FHIT: variants seen among roughly 807,000 people sequenced by gnomAD.
The protein encoded by FHIT is bis(5'-adenosyl)-triphosphatase.
In FHIT, 19 loss-of-function variants were observed where a neutral mutation model predicts 17.9. That is an observed-to-expected ratio of 1.06 (90% CI 0.74 to 1.56). The LOEUF (loss-of-function observed/expected upper bound fraction) is 1.56. FHIT is among the 40% of genes most tolerant of loss of function. The pLI is 0.00. For synonymous variants in FHIT, 81 were observed against 69.7 expected (o/e 1.16, Z -0.81); for missense variants, 248 against 189.2 (o/e 1.31, Z -1.82).
chr3:60,553,556 G>C (rs966007600), intron 4 of FHIT, among the ~76,000 whole-genome samples: 1 of 148,346 alleles, frequency 6.7e-6, no homozygotes, highest in Non-Finnish European at 1.5e-5. Flanking sequence ...GAGAGAGAGA[G>C]AGAGGCTCCT....
At chr3:61,101,219 T>A (rs1349894454) in intron 2 of FHIT, among the ~76,000 whole-genome samples, 1 of 152,202 alleles carries the variant, frequency 6.6e-6, no homozygotes, top group Non-Finnish European at 1.5e-5. Flanking sequence ...CTTTAATCCA[T>A]CTTGAATTAA....
At chr3:60,774,290 G>A (rs1297715225) in intron 4 of FHIT, among the ~76,000 whole-genome samples, 1 of 151,988 alleles carries the variant, frequency 6.6e-6, no homozygotes, top group Non-Finnish European at 1.5e-5. Flanking sequence ...ACATATTTAT[G>A]ATAAAATTTA....
At chr3:60,582,270 G>T (rs958354345) in intron 4 of FHIT, among the ~76,000 whole-genome samples, 2 of 152,024 alleles carry the variant, frequency 1.3e-5, no homozygotes, top group African/African-American at 2.4e-5. Context: ...TGTCCCATGT[G>T]GGGGGCGACT....
intron 7 of FHIT, among the ~76,000 whole-genome samples, chr3:59,930,987 C>A (rs1705943843): frequency 6.6e-6 from 1 of 152,190 alleles, no homozygotes; most frequent in Admixed American, 6.5e-5. Context: ...CCTACCTATT[C>A]TTTTGACTGA....
intron 5 of FHIT, among the ~76,000 whole-genome samples, chr3:60,070,529 A>T (rs2106970402): frequency 6.6e-6 from 1 of 152,350 alleles, no homozygotes; most frequent in South Asian, 2.1e-4. Flanking sequence ...ACAGGAACCC[A>T]ATCCACACCT....
chr3:60,324,125 C>G (rs1032242807), intron 5 of FHIT, among the ~76,000 whole-genome samples: 12 of 152,072 alleles, frequency 7.9e-5, no homozygotes, highest in Admixed American at 2.6e-4. Context: ...TACAAGTAAA[C>G]TCAGTACTTA....
chr3:60,707,510 A>C lies in FHIT; in HGVS notation c.-18+114409T>G, dbSNP rs368703046. On this transcript the variant is annotated intron_variant, in intron 4 of 9. Transcript: ENST00000492590. ...GGTTATTTTTAATTTCTAGGCCCAAATCACTTCCCTAGGCTCTAGAACTGT... is the reference window on the plus strand; with the variant it reads ...GGTTATTTTTAATTTCTAGGCCCAACTCACTTCCCTAGGCTCTAGAACTGT... Among the ~76,000 whole-genome samples the C allele has an allele frequency of 7.0e-4, 107 of 152,240 alleles. 4 individuals carry two copies. The South Asian group carries it at 0.022, about 31-fold the overall frequency.
chr3:61,216,771 T>C (rs1259209262), intron 1 of FHIT, among the ~76,000 whole-genome samples: 6 of 152,138 alleles, frequency 3.9e-5, no homozygotes, highest in Admixed American at 1.3e-4. Flanking sequence ...CAGACTGGAT[T>C]AAGAAAATGT....
chr3:60,614,990 C>T (rs985935319), intron 4 of FHIT, among the ~76,000 whole-genome samples: 2 of 151,788 alleles, frequency 1.3e-5, no homozygotes, highest in African/African-American at 2.4e-5. Context: ...CAACCACGCC[C>T]GGCTAATTTT....
In FHIT at chr3:60,051,236, G is replaced by C. The variant is rs112992125; in HGVS notation, c.104-37084C>G. Among the ~76,000 whole-genome samples, 511 of 151,910 alleles carry C rather than the reference G, an allele frequency of 3.4e-3. 3 individuals carry two copies. Among genetic ancestry groups the C allele is most frequent in the African/African-American group, 0.012 (485 of 41,424 alleles). ...GTTAAAAAAATTAAATTTAGCCTGA[G>C]GCTGTCTCCGTAATTTGAGTCCCTA... is the stretch of plus-strand genomic sequence containing the variant. On this transcript the variant is annotated intron_variant, in intron 5 of 9. Transcript: ENST00000492590.
chr3:60,832,963 G>A (rs1475195930), intron 3 of FHIT, among the ~76,000 whole-genome samples: 3 of 152,128 alleles, frequency 2.0e-5, no homozygotes, highest in Non-Finnish European at 4.4e-5. Flanking sequence ...TGTTGCTAGT[G>A]GCTACCATAT....
intron 5 of FHIT, among the ~76,000 whole-genome samples, chr3:60,054,954 T>A (rs113039744): frequency 6.6e-6 from 1 of 152,166 alleles, no homozygotes; most frequent in South Asian, 2.1e-4. Context: ...CTACCTTTGC[T>A]GTATACTCCA....
intron 5 of FHIT, among the ~76,000 whole-genome samples, chr3:60,156,446 A>C (rs1430561444): frequency 2.0e-5 from 3 of 152,050 alleles, no homozygotes; most frequent in Non-Finnish European, 4.4e-5. Context: ...CAATCCTAAA[A>C]AATTTAAAAC....
chr3:60,268,007 T>C (rs1363684148), intron 5 of FHIT, among the ~76,000 whole-genome samples: 1 of 152,154 alleles, frequency 6.6e-6, no homozygotes, highest in Admixed American at 6.5e-5. Flanking sequence ...AACCAGGAGG[T>C]AGGTTTTGTA....
At chr3:61,147,928 G>A (rs150086116) in intron 2 of FHIT, among the ~76,000 whole-genome samples, 82 of 151,732 alleles carry the variant, frequency 5.4e-4, no homozygotes, top group African/African-American at 1.9e-3. Flanking sequence ...ATGTGAAGGC[G>A]ATCCATCATA....
At chr3:60,268,321 A>C (rs1706688918) in intron 5 of FHIT, among the ~76,000 whole-genome samples, 1 of 152,192 alleles carries the variant, frequency 6.6e-6, no homozygotes, top group African/African-American at 2.4e-5. Flanking sequence ...CTCAGATTAG[A>C]TTACTAACAG....
intron 4 of FHIT, among the ~76,000 whole-genome samples, chr3:60,789,173 TATAGAG>T (rs66600334): frequency 2.0e-3 from 199 of 98,700 alleles, no homozygotes; most frequent in Non-Finnish European, 2.1e-3. Context: ...TATATATATA[TATAGAG>T]AGAGAGAGAG....
Position 60,236,953 on chromosome 3 carries a change from A to G in FHIT, c.104-222801T>C, listed in dbSNP as rs1036342329. 2.0e-5 allele frequency among the ~76,000 whole-genome samples: 3 copies of G among 152,250 alleles called. No individual in the cohort carries two copies. The East Asian group carries it at 5.8e-4, about 29-fold the overall frequency. On this transcript the variant is annotated intron_variant, in intron 5 of 9. Transcript: ENST00000492590. Reference sequence around the variant, plus strand: ...AAGGTTTTATAAACTTCTCCCTTCAATTAACCATGTATCTCAGAGATAGAT... The same window carrying G: ...AAGGTTTTATAAACTTCTCCCTTCAGTTAACCATGTATCTCAGAGATAGAT...
chr3:61,218,589 T>C (rs529612429), intron 1 of FHIT, among the ~76,000 whole-genome samples: 1 of 152,190 alleles, frequency 6.6e-6, no homozygotes, highest in South Asian at 2.1e-4. Flanking sequence ...ATCAAGGTAA[T>C]GGAGAAGATC....
Sources: gnomAD v4.1 joint callset for allele counts (sites outside exome capture counted in the v4.1 genomes callset) on GRCh38, gnomAD v4.1.1 for gene constraint, MANE v1.5 for transcripts, NCBI Gene and HGNC (gene_info 2026-07-23, HGNC 2026-07-21) for gene names.